OSBPL8: variants seen among roughly 807,000 people sequenced by gnomAD.
The protein encoded by OSBPL8 is oxysterol-binding protein-related protein 8.
A neutral mutation model predicts 125.5 loss-of-function variants in OSBPL8; 59 were observed. That is an observed-to-expected ratio of 0.47 (90% CI 0.38 to 0.58). The LOEUF is 0.58. Ranked by LOEUF, OSBPL8 falls within the 20% of genes least tolerant of loss-of-function variation. The pLI is 0.00. For missense variants in OSBPL8, 758 were observed against 1,047.8 expected (o/e 0.72, Z 3.82); for synonymous variants, 330 against 338.9 (o/e 0.97, Z 0.29).
chr12:76,393,790 G>A (rs909261791), intron 9 of OSBPL8, among the ~76,000 whole-genome samples: 3 of 150,400 alleles, frequency 2.0e-5, no homozygotes, highest in African/African-American at 7.3e-5. Flanking sequence ...TTGGGAGGCC[G>A]AGGCAAGCGA....
rs1040985883 is a variant in OSBPL8, at chr12:76,458,639, G to A, written c.79+1220C>T. ...GTTCAAGGTTGCATGAGTTATGGTC[G>A]TGCTACTGTACTCCAGCCTGGGTGA... On this transcript the variant is annotated intron_variant, in intron 3 of 23. Coordinates refer to ENST00000261183, the MANE Select transcript of OSBPL8 (RefSeq NM_020841.5). 4.6e-5 allele frequency among the ~76,000 whole-genome samples: 7 copies of A among 151,894 alleles called. No individual in the cohort carries two copies. In the South Asian group the frequency reaches 8.3e-4, roughly 18 times the overall value.
chr12:76,420,564 G>GA (rs767864031), intron 4 of OSBPL8, among the ~76,000 whole-genome samples: 32 of 151,706 alleles, frequency 2.1e-4, no homozygotes, highest in Non-Finnish European at 4.0e-4. Flanking sequence ...GTGGCTAAAA[G>GA]AAAAAAATAT....
intron 2 of OSBPL8, among the ~76,000 whole-genome samples, chr12:76,485,565 T>A (rs1299768801): frequency 2.0e-5 from 3 of 152,180 alleles, no homozygotes; most frequent in African/African-American, 7.2e-5. Context: ...ACTTTATTAC[T>A]TTAGCCAAAG....
intron 10 of OSBPL8, among the ~76,000 whole-genome samples, chr12:76,392,008 T>A (rs1228625048): frequency 6.6e-6 from 1 of 152,178 alleles, no homozygotes; most frequent in Non-Finnish European, 1.5e-5. Context: ...AAGAAAGTCT[T>A]TGCACTACTG....
chr12:76,466,950 G>A (rs1875516155), intron 2 of OSBPL8, among the ~76,000 whole-genome samples: 2 of 150,402 alleles, frequency 1.3e-5, no homozygotes, highest in Admixed American at 6.6e-5. Context: ...GGACAAGAAC[G>A]AAACTCTGTC....
intron 4 of OSBPL8, among the ~76,000 whole-genome samples, chr12:76,414,342 AT>A (rs1292736618): frequency 1.3e-5 from 2 of 151,254 alleles, no homozygotes; most frequent in African/African-American, 4.9e-5. Flanking sequence ...TTTAATGTAG[AT>A]TTTTGATATA....
chr12:76,385,995 G>A (rs1048678268), intron 14 of OSBPL8, 173 bp downstream of exon 14: 9 of 852,264 alleles, frequency 1.1e-5, no homozygotes, highest in Admixed American at 3.8e-5. Flanking sequence ...TAGTACCTAT[G>A]AATATATTTA....
intron 3 of OSBPL8, 34 bp from the exon 4 acceptor site, chr12:76,451,022 A>T: frequency 6.3e-7 from 1 of 1,598,966 alleles, no homozygotes; most frequent in Non-Finnish European, 8.5e-7. Flanking sequence ...ATTAGTACTG[A>T]AGTCACAGAT....
intron 4 of OSBPL8, among the ~76,000 whole-genome samples, chr12:76,436,832 G>C (rs1871519395): frequency 6.6e-6 from 1 of 151,962 alleles, no homozygotes; most frequent in Admixed American, 6.6e-5. Flanking sequence ...CACTCTTCCA[G>C]CCAGAGTTCA....
chr12:76,454,094 T>C (rs1469951307), intron 3 of OSBPL8, among the ~76,000 whole-genome samples: 3 of 152,110 alleles, frequency 2.0e-5, no homozygotes, highest in Non-Finnish European at 4.4e-5. Context: ...GTTAATGGAG[T>C]ATAAGTTGAT....
chr12:76,371,587 A>G lies in OSBPL8; in HGVS notation c.1918-3T>C, dbSNP rs751674004. On this transcript the variant is annotated splice_polypyrimidine_tract_variant and splice_region_variant and intron_variant, in intron 18 of 23. Transcript: ENST00000261183. ...TCAGTAATAAAAACTTCACTATCCT[A>G]TATTTAAAAAAATTCAAAATTAATG... 30 of 1,560,604 alleles carry G rather than the reference A, an allele frequency of 1.9e-5. No individual in the cohort carries two copies. The highest frequency in any genetic ancestry group is 5.7e-5 in the Admixed American group (3 of 52,570).
intron 21 of OSBPL8, among the ~76,000 whole-genome samples, chr12:76,361,731 G>T (rs189477504): frequency 6.6e-6 from 1 of 152,122 alleles, no homozygotes; most frequent in Non-Finnish European, 1.5e-5. Context: ...ATGCAAAAGC[G>T]GAAACCCCTG....
At chr12:76,502,186 G>C (rs968013030) in intron 1 of OSBPL8, among the ~76,000 whole-genome samples, 3 of 151,600 alleles carry the variant, frequency 2.0e-5, no homozygotes, top group Non-Finnish European at 4.4e-5. Flanking sequence ...AACATACAGT[G>C]CATTTTCTCC....
At chr12:76,534,669 C>T (rs932419783) in intron 1 of OSBPL8, among the ~76,000 whole-genome samples, 1 of 152,146 alleles carries the variant, frequency 6.6e-6, no homozygotes, top group Admixed American at 6.6e-5. Flanking sequence ...GCAACACATA[C>T]ACACAAGCAA....
At chr12:76,512,290 C>T (rs1881080189) in intron 1 of OSBPL8, among the ~76,000 whole-genome samples, 2 of 152,172 alleles carry the variant, frequency 1.3e-5, no homozygotes, top group Admixed American at 1.3e-4. Context: ...CATGTTCTCA[C>T]AAAAGACATG....
chr12:76,534,558 C>A (rs144721073), intron 1 of OSBPL8, among the ~76,000 whole-genome samples: 1 of 152,088 alleles, frequency 6.6e-6, no homozygotes, highest in African/African-American at 2.4e-5. Context: ...TTAATATATA[C>A]AATATCTGCA....
rs1284782404 is a variant in OSBPL8, at chr12:76,489,422, G to T, written c.-67-1804C>A. ...GGACAAACTGACTCTCTTGTTAGGG[G>T]CTAATGCAGCTGGTGGTTTGAAGTT... On this transcript the variant is annotated intron_variant, in intron 1 of 23. Coordinates refer to ENST00000261183, the MANE Select transcript of OSBPL8 (RefSeq NM_020841.5). Among the ~76,000 whole-genome samples the T allele has an allele frequency of 2.0e-5, 3 of 152,298 alleles. No homozygotes were observed. In the East Asian group the frequency reaches 5.8e-4, roughly 29 times the overall value.
At chr12:76,482,745 T>C (rs958917575) in intron 2 of OSBPL8, among the ~76,000 whole-genome samples, 2 of 152,236 alleles carry the variant, frequency 1.3e-5, no homozygotes, top group African/African-American at 4.8e-5. Flanking sequence ...CTTTAAAGCA[T>C]TTTGAGCAGT....
At chr12:76,535,143 A>C (rs1156988440) in intron 1 of OSBPL8, among the ~76,000 whole-genome samples, 1 of 152,132 alleles carries the variant, frequency 6.6e-6, no homozygotes, top group Non-Finnish European at 1.5e-5. Flanking sequence ...ATTTCAAAAA[A>C]TTAAATTACT....
Sources: allele counts gnomAD v4.1 joint callset (sites outside exome capture counted in the v4.1 genomes callset), GRCh38; gene constraint gnomAD v4.1.1; transcripts MANE v1.5; gene names NCBI Gene and HGNC (gene_info 2026-07-23, HGNC 2026-07-21).